The following IRGM variants were observed in gnomAD, a reference collection of about 807,000 sequenced individuals.
The protein encoded by IRGM is immunity-related GTPase family M protein.
For synonymous variants in IRGM, 98 were observed against 80.6 expected (o/e 1.22, Z -1.16); for missense variants, 288 against 219.9 (o/e 1.31, Z -1.96).
At chr5:150,874,944 T>C (rs1330170955) in intron 1 of IRGM, among the ~76,000 whole-genome samples, 4 of 152,216 alleles carry the variant, frequency 2.6e-5, no homozygotes, top group Non-Finnish European at 5.9e-5. Flanking sequence ...CTGTCTATCA[T>C]GAACTGGGTG....
downstream of IRGM, among the ~76,000 whole-genome samples, chr5:150,901,119 T>G (rs1351439503): frequency 6.6e-6 from 1 of 152,030 alleles, no homozygotes; most frequent in African/African-American, 2.4e-5. Flanking sequence ...GGTAGGGAAC[T>G]AATATACAGC....
rs140753747 is a variant in IRGM, at chr5:150,854,666, T to C, written c.158+6012T>C. Among the ~76,000 whole-genome samples the C allele has an allele frequency of 1.7e-3, 266 of 152,316 alleles. 2 individuals are homozygous for C. Among genetic ancestry groups the C allele is most frequent in the African/African-American group, 6.0e-3 (251 of 41,588 alleles). On this transcript the variant is annotated intron_variant and NMD_transcript_variant, in intron 1 of 3. Transcript: ENST00000520549. ...GCCTTCTGGCCTGCAACCTTTCTGCTGAGAAACTTACTGAAAATCTTATTG... is the reference window on the plus strand; with the variant it reads ...GCCTTCTGGCCTGCAACCTTTCTGCCGAGAAACTTACTGAAAATCTTATTG...
intron 1 of IRGM, among the ~76,000 whole-genome samples, chr5:150,860,509 G>A (rs1402675041): frequency 1.3e-5 from 2 of 152,196 alleles, no homozygotes; most frequent in African/African-American, 4.8e-5. Context: ...CAATGCCCAT[G>A]TGTACGCTGT....
At chr5:150,895,449 C>A (rs1754720741) in intron 3 of IRGM, 4 of 1,606,936 alleles carry the variant, frequency 2.5e-6, no homozygotes, top group East Asian at 2.2e-5. Flanking sequence ...TGTGTGAATT[C>A]TCTGGTGTAC....
At chr5:150,890,637 C>G (rs1440964030) in intron 3 of IRGM, among the ~76,000 whole-genome samples, 1 of 152,008 alleles carries the variant, frequency 6.6e-6, no homozygotes, top group East Asian at 1.9e-4. Flanking sequence ...GGACATTTCA[C>G]AAATGTTGAT....
At chr5:150,898,446 T>C (rs1413455466) in intron 3 of IRGM, 1 of 1,613,534 alleles carries the variant, frequency 6.2e-7, no homozygotes, top group Non-Finnish European at 8.5e-7. Context: ...ACCAGGTGGC[T>C]GTAGTTCTCC....
Position 150,848,610 on chromosome 5 carries a change from C to G in IRGM, c.487C>G (p.Leu163Val). 6.5e-7 allele frequency: 1 copy of G among 1,549,904 alleles called. No homozygotes were observed. Among genetic ancestry groups the G allele is most frequent in the Non-Finnish European group, 8.7e-7 (1 of 1,145,496 alleles). Reference sequence around the variant, plus strand: ...AGGTGCCCTCCCAGAAGTGCAGCTACTGCAGATCAGAGAAAATGTCCTGGA... The same window carrying G: ...AGGTGCCCTCCCAGAAGTGCAGCTAGTGCAGATCAGAGAAAATGTCCTGGA... ...STGALPEVQL[L>V]QIRENVLENL... The change falls in exon 2 of 2, where the codon CTG becomes GTG. Residue 163 changes from leucine (L) to valine (V), a missense_variant. Coordinates refer to ENST00000522154, the MANE Select transcript of IRGM (RefSeq NM_001145805.2).
At chr5:150,868,872 T>C (rs1754241909) in intron 1 of IRGM, among the ~76,000 whole-genome samples, 1 of 152,162 alleles carries the variant, frequency 6.6e-6, no homozygotes, top group Non-Finnish European at 1.5e-5. Context: ...ATTTATCAGA[T>C]CTAGGAGCTT....
At chr5:150,887,984 C>T (rs1024827337) in intron 3 of IRGM, among the ~76,000 whole-genome samples, 5 of 151,978 alleles carry the variant, frequency 3.3e-5, no homozygotes, top group African/African-American at 1.2e-4. Context: ...AGTGCCTCCA[C>T]TTAAAAGGCA....
chr5:150,863,306 T>C (rs1341733977), intron 1 of IRGM, among the ~76,000 whole-genome samples: 2 of 151,796 alleles, frequency 1.3e-5, no homozygotes, highest in African/African-American at 4.8e-5. Flanking sequence ...TGAAGAAGAG[T>C]AAAAAGGAAA....
rs1406036267 is a variant in IRGM at position 150,848,043 on chromosome 5, T to C, written c.-81T>C. 6.4e-6 allele frequency: 7 copies of C among 1,097,080 alleles called. No homozygotes were observed. The highest frequency in any genetic ancestry group is 3.9e-6 in the Non-Finnish European group (3 of 773,372). The allele number at this position is 1,097,080 out of a possible 1,614,324, so 68.0% of individuals were successfully genotyped here. On this transcript the variant is annotated 5_prime_UTR_variant, in exon 2 of 2. Transcript: ENST00000522154. ...GTCTCAATCTCCTGACCTCGTGATC[T>C]GCTCGCCTCGGCCTTCCAAAGTGCT...
At chr5:150,864,569 C>A (rs1469884313) in intron 1 of IRGM, among the ~76,000 whole-genome samples, 4 of 152,182 alleles carry the variant, frequency 2.6e-5, no homozygotes, top group Non-Finnish European at 5.9e-5. Flanking sequence ...TCTTCCTTCA[C>A]TATCATGTCT....
intron 3 of IRGM, among the ~76,000 whole-genome samples, chr5:150,887,080 T>C (rs1202093932): frequency 2.6e-5 from 4 of 152,058 alleles, no homozygotes; most frequent in African/African-American, 4.8e-5. Context: ...ACAAGAGTTC[T>C]GAATTAGGTT....
chr5:150,854,842 T>C (rs951169679), intron 1 of IRGM, among the ~76,000 whole-genome samples: 1 of 152,132 alleles, frequency 6.6e-6, no homozygotes, highest in Admixed American at 6.5e-5. Flanking sequence ...TTCCTCAAAC[T>C]TGGGAAGCTT....
chr5:150,899,656 A>G (rs11743488), intron 3 of IRGM, among the ~76,000 whole-genome samples: 15,268 of 152,080 alleles, frequency 0.1, 1,046 homozygotes, highest in East Asian at 0.39. Flanking sequence ...TAATGAAGAA[A>G]CCACAACAAA....
At position 150,874,238 on chromosome 5, in the gene IRGM, G is replaced by C. The variant is rs567239564; in HGVS notation, c.159-3742G>C. 4.3e-3 allele frequency among the ~76,000 whole-genome samples: 653 copies of C among 152,306 alleles called. 1 individual carries two copies. The highest frequency in any genetic ancestry group is 7.7e-3 in the Non-Finnish European group (521 of 68,028). The stretch of plus-strand genomic sequence containing the variant: ...TTTGTGTCATAATCTTGTTTGGAGA[G>C]ATCTTGATCACTTTTCCCTTCCCCA... On this transcript the variant is annotated intron_variant and NMD_transcript_variant, in intron 1 of 3. Coordinates refer to the IRGM transcript ENST00000520549.
At chr5:150,901,393 C>CTT (rs759781197), downstream of IRGM, among the ~76,000 whole-genome samples, 1 of 151,986 alleles carries the variant, frequency 6.6e-6, no homozygotes, top group Non-Finnish European at 1.5e-5. Context: ...GGAAATATAA[C>CTT]TTTGAAATCT....
intron 2 of IRGM, chr5:150,878,229 C>T: frequency 6.0e-6 from 2 of 333,266 alleles, no homozygotes; most frequent in South Asian, 4.8e-5. Context: ...CTAGAGAGTA[C>T]AAATAGTGAT....
At chr5:150,860,724 C>T (rs527349998) in intron 1 of IRGM, among the ~76,000 whole-genome samples, 2 of 152,166 alleles carry the variant, frequency 1.3e-5, no homozygotes, top group Non-Finnish European at 2.9e-5. Context: ...TCTGCTGCTG[C>T]CTTGGGACCT....
Sources: gnomAD v4.1 joint callset for allele counts (sites outside exome capture counted in the v4.1 genomes callset) on GRCh38, gnomAD v4.1.1 for gene constraint, MANE v1.5 for transcripts, NCBI Gene and HGNC (gene_info 2026-07-23, HGNC 2026-07-21) for gene names.